Variants in NR2F1-AS1 observed in about 807,000 individuals in gnomAD.
The protein encoded by NR2F1-AS1 is NR2F1 regulatory antisense RNA 1.
intron 1 of NR2F1-AS1, among the ~76,000 whole-genome samples, chr5:93,567,679 G>T (rs1280078543): frequency 6.6e-6 from 1 of 152,164 alleles, no homozygotes; most frequent in Non-Finnish European, 1.5e-5. Flanking sequence ...AGCCCTGGGG[G>T]ATATCACAGG....
chr5:93,483,570 C>G (rs1469296236), intron 4 of NR2F1-AS1, among the ~76,000 whole-genome samples: 1 of 152,126 alleles, frequency 6.6e-6, no homozygotes, highest in African/African-American at 2.4e-5. Context: ...TCCTCACCAG[C>G]AAGGGAACAA....
Position 93,579,373 on chromosome 5 carries a change from G to A in NR2F1-AS1, n.313+1094C>T, listed in dbSNP as rs1343918704. ...AGCCCGCGGCTTCGCCTGAGGCCTC[G>A]CGGGCCCAACTTCTCCCCACCGCTA... On this transcript the variant is annotated intron_variant and non_coding_transcript_variant, in intron 1 of 5. Transcript: ENST00000660523. The surrounding 1 kb of genome is among the most constrained non-coding windows in gnomAD (Gnocchi z 5.1). Among the ~76,000 whole-genome samples the A allele has an allele frequency of 6.6e-6, 1 of 152,036 alleles. No homozygotes were observed. The highest frequency in any genetic ancestry group is 6.5e-5 in the Admixed American group (1 of 15,276).
At chr5:93,571,043 A>C (rs1045139750) in intron 1 of NR2F1-AS1, 1 of 152,146 alleles carries the variant, frequency 6.6e-6, no homozygotes, top group Non-Finnish European at 1.5e-5. Flanking sequence ...CCTGGACTGC[A>C]GTGGGGCCGG....
intron 4 of NR2F1-AS1, among the ~76,000 whole-genome samples, chr5:93,482,195 T>G (rs889630549): frequency 6.6e-6 from 1 of 152,104 alleles, no homozygotes; most frequent in African/African-American, 2.4e-5. Flanking sequence ...GGTCTACAGC[T>G]CCCAGTGAGA....
At chr5:93,491,626 G>A (rs1329347369) in intron 4 of NR2F1-AS1, among the ~76,000 whole-genome samples, 2 of 152,072 alleles carry the variant, frequency 1.3e-5, no homozygotes, top group Non-Finnish European at 1.5e-5. Context: ...AATCAATATG[G>A]GCAGGTATCT....
At chr5:93,584,882 T>G (rs1306944787), upstream of NR2F1-AS1, 3 of 160,108 alleles carry the variant, frequency 1.9e-5, no homozygotes, top group South Asian at 5.3e-4. Context: ...GCTCGGCTCC[T>G]GCGACCCCGG....
intron 4 of NR2F1-AS1, among the ~76,000 whole-genome samples, chr5:93,517,546 A>G (rs918019526): frequency 4.6e-5 from 7 of 152,018 alleles, no homozygotes; most frequent in Admixed American, 2.6e-4. Flanking sequence ...CATTATTTCA[A>G]TATACATTGT....
chr5:93,470,585 C>A (rs1335021232), intron 4 of NR2F1-AS1, among the ~76,000 whole-genome samples: 1 of 151,604 alleles, frequency 6.6e-6, no homozygotes, highest in African/African-American at 2.4e-5. Flanking sequence ...TTTGAATCAC[C>A]TTTAAAACGG....
At chr5:93,492,651 A>G (rs1370623013) in intron 4 of NR2F1-AS1, among the ~76,000 whole-genome samples, 6 of 152,168 alleles carry the variant, frequency 3.9e-5, no homozygotes, top group African/African-American at 1.2e-4. Flanking sequence ...ATACTGGCAA[A>G]CCAAATCCAA....
chr5:93,505,566 G>A (rs1342782044), intron 4 of NR2F1-AS1, among the ~76,000 whole-genome samples: 1 of 152,204 alleles, frequency 6.6e-6, no homozygotes, highest in Non-Finnish European at 1.5e-5. Context: ...CTGAAATCCA[G>A]GCAGAGGTTT....
intron 4 of NR2F1-AS1, among the ~76,000 whole-genome samples, chr5:93,476,783 G>C (rs1750494503): frequency 6.6e-6 from 1 of 151,916 alleles, no homozygotes; most frequent in African/African-American, 2.4e-5. Context: ...TGATTTTTCA[G>C]AACTCCTAAC....
At chr5:93,504,407 G>C (rs1330654720) in intron 4 of NR2F1-AS1, among the ~76,000 whole-genome samples, 1 of 152,074 alleles carries the variant, frequency 6.6e-6, no homozygotes, top group Non-Finnish European at 1.5e-5. Context: ...AAAGTTTATA[G>C]ACAAGTATCA....
rs1752970862 is a variant in NR2F1-AS1, at chr5:93,579,542, G to C, written n.313+925C>G. The stretch of plus-strand genomic sequence containing the variant: ...TCTCGCCTTGGCCCTCACCTACAGG[G>C]CCTGACCCCGGGCCAGCCCAGCTAG... On this transcript the variant is annotated intron_variant and non_coding_transcript_variant, in intron 1 of 5. Coordinates refer to ENST00000660523, the Ensembl canonical transcript of NR2F1-AS1. The surrounding 1 kb of genome is among the most constrained non-coding windows in gnomAD (Gnocchi z 5.1). Among the ~76,000 whole-genome samples, 1 of 152,148 alleles carries C rather than the reference G, an allele frequency of 6.6e-6. No homozygotes were observed. The highest frequency in any genetic ancestry group is 1.5e-5 in the Non-Finnish European group (1 of 68,018).
At chr5:93,464,703 C>T (rs763032841) in intron 4 of NR2F1-AS1, among the ~76,000 whole-genome samples, 4 of 152,174 alleles carry the variant, frequency 2.6e-5, no homozygotes, top group African/African-American at 4.8e-5. Flanking sequence ...TTTTTTTCTC[C>T]TGAAAACGGA....
chr5:93,439,706 T>C (rs2149850953), intron 4 of NR2F1-AS1, among the ~76,000 whole-genome samples: 1 of 152,314 alleles, frequency 6.6e-6, no homozygotes, highest in African/African-American at 2.4e-5. Context: ...TCATCCATGA[T>C]GTTTTCTCTG....
intron 4 of NR2F1-AS1, among the ~76,000 whole-genome samples, chr5:93,538,033 G>A (rs1205826485): frequency 1.3e-5 from 2 of 152,128 alleles, no homozygotes; most frequent in African/African-American, 4.8e-5. Flanking sequence ...GTGTGTGAGT[G>A]AGCCTTGCAA....
chr5:93,583,781 G>C (rs1753172495), upstream of NR2F1-AS1: 1 of 152,146 alleles, frequency 6.6e-6, no homozygotes, highest in Admixed American at 6.6e-5. Flanking sequence ...GACCTACTTT[G>C]GATGTCTCTC....
chr5:93,467,831 C>T (rs73133237), intron 4 of NR2F1-AS1, among the ~76,000 whole-genome samples: 2,992 of 152,210 alleles, frequency 0.02, 115 homozygotes, highest in African/African-American at 0.069. Flanking sequence ...TGACAGGCCC[C>T]GGCATATGGT....
intron 4 of NR2F1-AS1, among the ~76,000 whole-genome samples, chr5:93,506,005 T>C (rs948384065): frequency 6.6e-6 from 1 of 152,232 alleles, no homozygotes; most frequent in Admixed American, 6.5e-5. Flanking sequence ...CAGGAACTTT[T>C]ATGCTCTGTT....
Sources: allele counts gnomAD v4.1 joint callset (sites outside exome capture counted in the v4.1 genomes callset), GRCh38; gene constraint gnomAD v4.1.1; non-coding constraint Gnocchi (gnomAD v3.1); transcripts MANE v1.5; gene names NCBI Gene and HGNC (gene_info 2026-07-23, HGNC 2026-07-21).